Variants in TOM1 observed in about 807,000 individuals in gnomAD.
TOM1 encodes the protein target of Myb protein 1.
TOM1 carries 38 observed loss-of-function variants against 61.3 expected under a neutral mutation model. The ratio of observed to expected loss-of-function variants is 0.62; its 90% CI spans 0.48 to 0.81. TOM1 has a LOEUF of 0.81. Ranked by LOEUF, TOM1 falls within the 40% of genes least tolerant of loss-of-function variation. TOM1 has a pLI of 0.00. For synonymous variants in TOM1, 270 were observed against 268.8 expected, an observed-to-expected ratio of 1.00 and a Z score of -0.04; for missense variants, 591 against 659.6, an observed-to-expected ratio of 0.90 and a Z score of 1.14.
At chr22:35,308,275 C>CTTTTTTTTTTTTT (rs138770) in intron 1 of TOM1, among the ~76,000 whole-genome samples, 2 of 129,442 alleles carry the variant, frequency 1.5e-5, no homozygotes, top group Non-Finnish European at 1.7e-5. Context: ...TTCCTTTTCT[C>CTTTTTTTTTTTTT]TTTTTTTTTT....
chr22:35,334,444 A>G lies in TOM1; in HGVS notation c.1144A>G (p.Lys382Glu), dbSNP rs1458030104. ...GGGCAGCTCACTGGCTGACCAACGG[A>G]AAGAGTGAGTGGCCTGGCCCTGCCC... ...TRGSSLADQR[K>E]EVKYEAPQAT... Residue 382 changes from lysine (K) to glutamate (E), a missense_variant, in exon 11 of 15, where the codon AAA becomes GAA. Coordinates refer to ENST00000449058, the MANE Select transcript of TOM1 (RefSeq NM_005488.3). 1 of 1,613,770 alleles carries G rather than the reference A, an allele frequency of 6.2e-7. No homozygotes were observed. The highest frequency in any genetic ancestry group is 8.5e-7 in the Non-Finnish European group (1 of 1,179,968).
chr22:35,326,360 C>T lies in TOM1; in HGVS notation c.649-911C>T, dbSNP rs937511123. 1.5e-4 allele frequency among the ~76,000 whole-genome samples: 23 copies of T among 152,226 alleles called. 2 individuals are homozygous for T. On this transcript the variant is annotated intron_variant, in intron 6 of 14. Transcript: ENST00000449058. ...GCATTAAACACCCTACAAGGTCCCA[C>T]AGCATAAGATCCTTATACCAATGGC...
intron 2 of TOM1, among the ~76,000 whole-genome samples, chr22:35,320,400 G>A (rs2145649175): frequency 6.6e-6 from 1 of 152,232 alleles, no homozygotes; most frequent in Non-Finnish European, 1.5e-5. Flanking sequence ...TCACAGAGGG[G>A]ACAGGGAGAG....
chr22:35,333,815 C>G (rs1929046387), intron 10 of TOM1, among the ~76,000 whole-genome samples: 1 of 152,170 alleles, frequency 6.6e-6, no homozygotes, highest in African/African-American at 2.4e-5. Flanking sequence ...GCCTCTCTTT[C>G]CTCCTCTTTA....
In TOM1 at chr22:35,347,415, G is replaced by T; in HGVS notation, c.*206G>T. 2.0e-6 allele frequency: 1 copy of T among 499,800 alleles called. No individual in the cohort carries two copies. The highest frequency in any genetic ancestry group is 3.5e-6 in the Non-Finnish European group (1 of 288,084). 31.0% of individuals were successfully genotyped at this position (499,800 alleles called of 1,614,324 possible). ...TGGGGGACAGGTCTGCGCTGCAGTG[G>T]GATCTGGCTGCTCTGCCTCCTTTCC... On this transcript the variant is annotated 3_prime_UTR_variant, in exon 15 of 15. Coordinates refer to ENST00000449058, the MANE Select transcript of TOM1 (RefSeq NM_005488.3).
At chr22:35,346,576 G>A (rs1225694513) in intron 13 of TOM1, among the ~76,000 whole-genome samples, 1 of 152,186 alleles carries the variant, frequency 6.6e-6, no homozygotes, top group Non-Finnish European at 1.5e-5. Context: ...CCAAGGAAAG[G>A]AACCAGCACT....
At chr22:35,307,794 A>G (rs950033285) in intron 1 of TOM1, among the ~76,000 whole-genome samples, 1 of 152,226 alleles carries the variant, frequency 6.6e-6, no homozygotes, top group Non-Finnish European at 1.5e-5. Context: ...ATTTAGGGAC[A>G]GACAGAGGGG....
At chr22:35,321,788 C>T (rs1927813119) in intron 2 of TOM1, 171 bp from the exon 3 acceptor site, 2 of 731,316 alleles carry the variant, frequency 2.7e-6, no homozygotes, top group Middle Eastern at 2.3e-4. Context: ...TGAGTCCCTG[C>T]TAAGCAATGG....
At position 35,323,447 on chromosome 22, in the gene TOM1, C is replaced by T; in HGVS notation, c.367-49C>T. ...TCTGTCTGAGTGCCAGGTGGGCAGG[C>T]TCACAGGTGAGCTGTGGTTACCGGC... On this transcript the variant is annotated intron_variant, in intron 4 of 14. Transcript: ENST00000449058. The surrounding 1 kb of genome is among the most constrained non-coding windows in gnomAD (Gnocchi z 4.2). 1 of 1,604,352 alleles carries T rather than the reference C, an allele frequency of 6.2e-7. No individual in the cohort carries two copies. The highest frequency in any genetic ancestry group is 8.5e-7 in the Non-Finnish European group (1 of 1,174,942).
intron 1 of TOM1, among the ~76,000 whole-genome samples, chr22:35,308,275 CT>C (rs138770): frequency 0.41 from 53,361 of 129,002 alleles, 8,327 homozygotes; most frequent in Middle Eastern, 0.53. Context: ...TTCCTTTTCT[CT>C]TTTTTTTTTT....
At chr22:35,312,867 A>T (rs1926956547) in intron 1 of TOM1, among the ~76,000 whole-genome samples, 1 of 152,180 alleles carries the variant, frequency 6.6e-6, no homozygotes, top group African/African-American at 2.4e-5. Context: ...GTGATGGACA[A>T]TGTTTAAACA....
chr22:35,302,224 T>C (rs369662655), intron 1 of TOM1, among the ~76,000 whole-genome samples: 12 of 152,250 alleles, frequency 7.9e-5, no homozygotes, highest in African/African-American at 2.9e-4. Flanking sequence ...CTAGGAGGGC[T>C]TGTTAAATAA....
At position 35,317,897 on chromosome 22, in the gene TOM1, C is replaced by T. The variant is rs757725290; in HGVS notation, c.73C>T (p.Leu25=). 16 of 1,614,196 alleles carry T rather than the reference C, an allele frequency of 9.9e-6. No individual in the cohort carries two copies. The South Asian group carries it at 1.8e-4, about 18-fold the overall frequency. The change falls in exon 2 of 15, where the codon CTG becomes TTG. Residue 25 remains leucine (L), a synonymous_variant. Coordinates refer to ENST00000449058, the MANE Select transcript of TOM1 (RefSeq NM_005488.3). ...CTCAGAGAAAGCCACAGATGGCTCC[C>T]TGCAGAGCGAGGACTGGGCCCTCAA... The part of the protein sequence containing the change: ...QRIEKATDGS[L]QSEDWALNME...
At chr22:35,304,070 C>T (rs1003801694) in intron 1 of TOM1, among the ~76,000 whole-genome samples, 4 of 152,232 alleles carry the variant, frequency 2.6e-5, no homozygotes, top group Non-Finnish European at 5.9e-5. Context: ...TGACCCTGTG[C>T]GGTTTTGCTA....
intron 8 of TOM1, among the ~76,000 whole-genome samples, 163 bp downstream of exon 8, chr22:35,330,643 G>T (rs770632043): frequency 1.3e-5 from 2 of 152,144 alleles, no homozygotes; most frequent in Non-Finnish European, 2.9e-5. Flanking sequence ...CTTCTTCCAG[G>T]ATGTTTATGA....
intron 1 of TOM1, among the ~76,000 whole-genome samples, chr22:35,308,223 T>G (rs1050027258): frequency 2.6e-5 from 4 of 152,018 alleles, no homozygotes; most frequent in South Asian, 2.1e-4. Context: ...CCTGTGTGTG[T>G]GTGTGTGTCT....
At chr22:35,329,387 A>G (rs903078673) in intron 7 of TOM1, among the ~76,000 whole-genome samples, 4 of 152,238 alleles carry the variant, frequency 2.6e-5, no homozygotes, top group African/African-American at 9.6e-5. Flanking sequence ...AACCTGAATA[A>G]AGTCCGCAGT....
At chr22:35,300,081 C>T (rs967487899) in intron 1 of TOM1, 101 bp downstream of exon 1, 3 of 1,372,886 alleles carry the variant, frequency 2.2e-6, no homozygotes, top group Non-Finnish European at 3.0e-6. Flanking sequence ...GCAGGGAGGG[C>T]AAGGAGGCTG....
intron 1 of TOM1, among the ~76,000 whole-genome samples, chr22:35,309,643 C>CA (rs537199618): frequency 0.58 from 64,278 of 110,966 alleles, 18,538 homozygotes; most frequent in Non-Finnish European, 0.68. Flanking sequence ...GACTCCATCT[C>CA]AAAAAAAAAA....
Sources: allele counts gnomAD v4.1 joint callset (sites outside exome capture counted in the v4.1 genomes callset), GRCh38; gene constraint gnomAD v4.1.1; non-coding constraint Gnocchi (gnomAD v3.1); transcripts MANE v1.5; gene names NCBI Gene and HGNC (gene_info 2026-07-23, HGNC 2026-07-21).